The following ZNF521 variants were observed in gnomAD, a reference collection of about 807,000 sequenced individuals.
ZNF521 encodes the protein LYST-interacting protein 3.
In ZNF521, 14 loss-of-function variants were observed where a neutral mutation model predicts 105.5. That is an observed-to-expected ratio of 0.13 (90% CI 0.09 to 0.21). The LOEUF is 0.21. ZNF521 is among the 10% of genes least tolerant of loss of function. The pLI is 1.00. For synonymous variants in ZNF521, 635 were observed against 606.0 expected (o/e 1.05, Z -0.70); for missense variants, 1,233 against 1,629.7 (o/e 0.76, Z 4.19).
At chr18:25,191,577 A>C (rs1183677355) in intron 5 of ZNF521, among the ~76,000 whole-genome samples, 1 of 152,160 alleles carries the variant, frequency 6.6e-6, no homozygotes, top group Non-Finnish European at 1.5e-5. Context: ...AGTGATCGAA[A>C]TTTCTTTCTA....
In ZNF521 at chr18:25,290,480, G is replaced by A. The variant is rs556514009; in HGVS notation, c.220+31528C>T. On this transcript the variant is annotated intron_variant, in intron 3 of 7. Coordinates refer to ENST00000361524, the MANE Select transcript of ZNF521 (RefSeq NM_015461.3). ...CTGGGCCCCTCGCTGGGAGCCCAGA[G>A]TACTGACTGCAAATGAGTAGACAGG... 4.6e-5 allele frequency among the ~76,000 whole-genome samples: 7 copies of A among 152,218 alleles called. No homozygotes were observed. The South Asian group carries it at 1.5e-3, about 32-fold the overall frequency.
At chr18:25,325,124 G>A (rs74874868) in intron 2 of ZNF521, among the ~76,000 whole-genome samples, 6,206 of 152,292 alleles carry the variant, frequency 0.041, 187 homozygotes, top group Admixed American at 0.087. Flanking sequence ...ATGCCTTGGT[G>A]TAATGAGTAC....
Position 25,352,054 on chromosome 18 carries a change from GA to G in ZNF521, c.-52del. The G allele has an allele frequency of 6.0e-6, 3 of 498,080 alleles. No homozygotes were observed. Among genetic ancestry groups the G allele is most frequent in the East Asian group, 6.0e-5 (1 of 16,766 alleles). The allele number at this position is 498,080 out of a possible 1,614,324, so 30.9% of individuals were successfully genotyped here. ...CGCTCCGGTAGTCCACATAATAATG[GA>G]AAATGGAAGCAAGGCCCCCAAAGCC... On this transcript the variant is annotated 5_prime_UTR_variant, in exon 1 of 8. Coordinates refer to ENST00000361524, the MANE Select transcript of ZNF521 (RefSeq NM_015461.3).
chr18:25,117,776 T>C (rs2034357420), intron 5 of ZNF521, among the ~76,000 whole-genome samples: 1 of 151,924 alleles, frequency 6.6e-6, no homozygotes, highest in African/African-American at 2.4e-5. Flanking sequence ...TATCAACACA[T>C]GGGTAACTGT....
intron 5 of ZNF521, among the ~76,000 whole-genome samples, chr18:25,131,514 C>T (rs1399378577): frequency 6.6e-6 from 1 of 152,102 alleles, no homozygotes; most frequent in Non-Finnish European, 1.5e-5. Flanking sequence ...TTCCTGTGCT[C>T]CAGTTGATCA....
intron 4 of ZNF521, chr18:25,202,255 C>A (rs1181794083): frequency 2.6e-5 from 4 of 152,070 alleles, no homozygotes; most frequent in Non-Finnish European, 5.9e-5. Flanking sequence ...CTGCAATCAA[C>A]CTCTGGTTGA....
intron 4 of ZNF521, among the ~76,000 whole-genome samples, chr18:25,198,245 A>G (rs1186063439): frequency 6.6e-6 from 1 of 151,660 alleles, no homozygotes; most frequent in Non-Finnish European, 1.5e-5. Context: ...ACTTTTTCCT[A>G]GCACCTCATT....
chr18:25,281,536 A>C (rs1012831025), intron 3 of ZNF521, among the ~76,000 whole-genome samples: 1 of 152,254 alleles, frequency 6.6e-6, no homozygotes, highest in African/African-American at 2.4e-5. Flanking sequence ...AATCAATCAC[A>C]GCTAACAGTC....
chr18:25,221,221 C>A (rs1905703546), intron 4 of ZNF521, among the ~76,000 whole-genome samples: 1 of 152,158 alleles, frequency 6.6e-6, no homozygotes, highest in Non-Finnish European at 1.5e-5. Flanking sequence ...CTCAGATCTG[C>A]CTTCGATTTC....
chr18:25,297,142 C>CATATAT (rs1555659980), intron 3 of ZNF521, among the ~76,000 whole-genome samples: 4 of 146,228 alleles, frequency 2.7e-5, no homozygotes, highest in Admixed American at 2.0e-4. Context: ...CACACACACA[C>CATATAT]ATATATATAT....
At chr18:25,151,015 G>A (rs918509412) in intron 5 of ZNF521, among the ~76,000 whole-genome samples, 2 of 151,436 alleles carry the variant, frequency 1.3e-5, no homozygotes, top group Non-Finnish European at 2.9e-5. Flanking sequence ...CAGCCCCCGA[G>A]TAGCTGGGAA....
At chr18:25,116,984 TACAC>T (rs1260333877) in intron 5 of ZNF521, among the ~76,000 whole-genome samples, 8 of 116,212 alleles carry the variant, frequency 6.9e-5, no homozygotes, top group Non-Finnish European at 1.1e-4. Context: ...TATATATATA[TACAC>T]ACACACATAT....
intron 3 of ZNF521, among the ~76,000 whole-genome samples, chr18:25,311,670 T>C (rs1912317338): frequency 6.6e-6 from 1 of 152,172 alleles, no homozygotes; most frequent in Non-Finnish European, 1.5e-5. Context: ...CAGCTTTGAT[T>C]ACCATCAATG....
intron 3 of ZNF521, among the ~76,000 whole-genome samples, chr18:25,244,158 C>T (rs1185850445): frequency 1.3e-5 from 2 of 152,130 alleles, no homozygotes; most frequent in African/African-American, 4.8e-5. Context: ...AGCCATCCTG[C>T]TCCACCAGAT....
chr18:25,340,766 T>C (rs1325822133), intron 2 of ZNF521, among the ~76,000 whole-genome samples: 1 of 152,072 alleles, frequency 6.6e-6, no homozygotes, highest in Non-Finnish European at 1.5e-5. Flanking sequence ...GGCTAAGGAC[T>C]CTCCTAGCCT....
chr18:25,228,451 A>C (rs1906316829), intron 3 of ZNF521, among the ~76,000 whole-genome samples: 1 of 152,250 alleles, frequency 6.6e-6, no homozygotes, highest in Non-Finnish European at 1.5e-5. Flanking sequence ...ATCAGCTAGG[A>C]TCAAGAAAAA....
chr18:25,189,587 G>T, intron 5 of ZNF521, among the ~76,000 whole-genome samples: 1 of 152,166 alleles, frequency 6.6e-6, no homozygotes, highest in East Asian at 1.9e-4. Context: ...GCTGTCATTG[G>T]CAAGCGTTCC....
chr18:25,224,935 T>C lies in ZNF521; in HGVS notation c.2983A>G (p.Met995Val). 1 of 1,614,052 alleles carries C rather than the reference T, an allele frequency of 6.2e-7. No individual in the cohort carries two copies. Among genetic ancestry groups the C allele is most frequent in the Non-Finnish European group, 8.5e-7 (1 of 1,180,032 alleles). The change falls in exon 4 of 8, where the codon ATG becomes GTG. Residue 995 changes from methionine (M) to valine (V), a missense_variant. Met to Val is a conservative substitution (Grantham distance 21, BLOSUM62 1). Transcript: ENST00000361524. ...AACTCCTCTTCACTCTGGAGAGGCA[T>C]CTTGCAAATCCGGCAGTTTCCAGTA... Reference protein sequence around the residue: ...LDTGNCRICKMPLQSEEEFLE... With the variant: ...LDTGNCRICKVPLQSEEEFLE...
At chr18:25,326,153 TAATG>T (rs1197202086) in intron 2 of ZNF521, among the ~76,000 whole-genome samples, 3 of 152,180 alleles carry the variant, frequency 2.0e-5, no homozygotes, top group African/African-American at 7.2e-5. Flanking sequence ...CAAGTAAAAG[TAATG>T]AATATCTAAA....
Sources: gnomAD v4.1 joint callset for allele counts (sites outside exome capture counted in the v4.1 genomes callset) on GRCh38, gnomAD v4.1.1 for gene constraint, MANE v1.5 for transcripts, NCBI Gene and HGNC (gene_info 2026-07-23, HGNC 2026-07-21) for gene names.